Variants in FHIT observed in about 807,000 individuals in gnomAD.
FHIT encodes the protein fragile histidine triad diadenosine triphosphatase.
FHIT carries 19 observed loss-of-function variants against 17.9 expected under a neutral mutation model. The observed-to-expected ratio is 1.06, with a 90% CI of 0.74 to 1.56. The LOEUF (loss-of-function observed/expected upper bound fraction) is 1.56. Ranked by LOEUF, FHIT falls within the 40% of genes most tolerant of loss-of-function variation. FHIT has a pLI of 0.00. For synonymous variants in FHIT, 81 were observed against 69.7 expected (o/e 1.16, Z -0.81); for missense variants, 248 against 189.2 (o/e 1.31, Z -1.82).
intron 4 of FHIT, among the ~76,000 whole-genome samples, chr3:60,608,139 C>A (rs575401619): frequency 6.6e-6 from 1 of 152,266 alleles, no homozygotes; most frequent in East Asian, 1.9e-4. Flanking sequence ...CGTCTGCTCA[C>A]GCAGAGGACA....
intron 5 of FHIT, among the ~76,000 whole-genome samples, chr3:60,354,274 G>A (rs529091646): frequency 1.4e-4 from 21 of 152,138 alleles, no homozygotes; most frequent in African/African-American, 5.1e-4. Context: ...CCTGTGAAAG[G>A]CAGACTGATT....
intron 4 of FHIT, among the ~76,000 whole-genome samples, chr3:60,645,346 G>C (rs1048503014): frequency 6.6e-6 from 1 of 152,148 alleles, no homozygotes; most frequent in Non-Finnish European, 1.5e-5. Flanking sequence ...CAGAGTTTCA[G>C]GGTGAGTCTC....
chr3:60,902,697 G>A (rs1553763485), intron 3 of FHIT, among the ~76,000 whole-genome samples: 2 of 152,206 alleles, frequency 1.3e-5, no homozygotes, highest in African/African-American at 4.8e-5. Context: ...AAAGCCAACA[G>A]GAAGCAAAGT....
chr3:60,759,477 G>A (rs527861339), intron 4 of FHIT, among the ~76,000 whole-genome samples: 16 of 152,312 alleles, frequency 1.1e-4, no homozygotes, highest in Non-Finnish European at 2.2e-4. Flanking sequence ...CTTGACAGTG[G>A]ATGAGATTTT....
chr3:61,211,896 G>A (rs1053940620), intron 1 of FHIT, among the ~76,000 whole-genome samples: 2 of 152,206 alleles, frequency 1.3e-5, no homozygotes, highest in East Asian at 3.9e-4. Context: ...CAGGCAAACA[G>A]AGTCTGGAGT....
At chr3:60,388,898 T>C (rs1465202742) in intron 5 of FHIT, among the ~76,000 whole-genome samples, 1 of 152,120 alleles carries the variant, frequency 6.6e-6, no homozygotes, top group Non-Finnish European at 1.5e-5. Context: ...GTTAGCACAG[T>C]GGAGAAGGCA....
rs1434378796 is a variant in FHIT, at chr3:60,799,629, C to T, written c.-18+22290G>A. Among the ~76,000 whole-genome samples the T allele has an allele frequency of 2.6e-5, 4 of 152,328 alleles. No individual in the cohort carries two copies. In the South Asian group the frequency reaches 8.3e-4, roughly 32 times the overall value. ...CATTTCTTGCCTCGGGACCTTTGCA[C>T]ATGCAATCATCTGGCTACAGTGTTT... is the stretch of plus-strand genomic sequence containing the variant. On this transcript the variant is annotated intron_variant, in intron 4 of 9. Coordinates refer to ENST00000492590, the MANE Select transcript of FHIT (RefSeq NM_002012.4).
rs188545531 is a variant in FHIT at position 59,802,540 on chromosome 3, C to T, written c.349-50219G>A. Among the ~76,000 whole-genome samples the T allele has an allele frequency of 1.3e-3, 205 of 152,276 alleles. No homozygotes were observed. The Middle Eastern group carries it at 0.014, about 10-fold the overall frequency. Reference sequence around the variant, plus strand: ...TCCCCCACTGAGCACCTTGTGACCCCCGCCCCTGCCCACCAGAGAACAACC... The same window carrying T: ...TCCCCCACTGAGCACCTTGTGACCCTCGCCCCTGCCCACCAGAGAACAACC... On this transcript the variant is annotated intron_variant, in intron 8 of 9. Transcript: ENST00000492590.
At chr3:60,849,309 T>A (rs2106903654) in intron 3 of FHIT, among the ~76,000 whole-genome samples, 1 of 151,916 alleles carries the variant, frequency 6.6e-6, no homozygotes, top group Non-Finnish European at 1.5e-5. Context: ...AACGTAGATG[T>A]GTGATTATAC....
intron 4 of FHIT, chr3:60,730,140 C>A: frequency 2.1e-6 from 1 of 474,436 alleles, no homozygotes. Flanking sequence ...CAAAGAAGCA[C>A]CGAAGGACCA....
chr3:60,261,324 G>T (rs377149428), intron 5 of FHIT, among the ~76,000 whole-genome samples: 1 of 151,946 alleles, frequency 6.6e-6, no homozygotes, highest in South Asian at 2.1e-4. Context: ...AAAAACAAAA[G>T]ACATATATAT....
At chr3:60,375,654 T>C (rs1700526218) in intron 5 of FHIT, among the ~76,000 whole-genome samples, 1 of 152,154 alleles carries the variant, frequency 6.6e-6, no homozygotes, top group African/African-American at 2.4e-5. Flanking sequence ...AGCAATACCA[T>C]TCTGTGAAGA....
intron 8 of FHIT, among the ~76,000 whole-genome samples, chr3:59,825,516 G>A (rs1700946015): frequency 6.6e-6 from 1 of 152,164 alleles, no homozygotes; most frequent in Admixed American, 6.5e-5. Flanking sequence ...GAGAAGCTGA[G>A]AACATTAGCC....
At chr3:59,885,639 C>T (rs1323019716) in intron 8 of FHIT, among the ~76,000 whole-genome samples, 1 of 152,130 alleles carries the variant, frequency 6.6e-6, no homozygotes, top group African/African-American at 2.4e-5. Context: ...CAAAGCTCTG[C>T]TACTTTGAAT....
chr3:59,962,850 C>G (rs542970353), intron 7 of FHIT, among the ~76,000 whole-genome samples: 1 of 152,292 alleles, frequency 6.6e-6, no homozygotes, highest in Admixed American at 6.5e-5. Flanking sequence ...AATAGAACAA[C>G]TGAATCCATC....
At chr3:60,274,813 A>G (rs374538981) in intron 5 of FHIT, among the ~76,000 whole-genome samples, 2 of 152,186 alleles carry the variant, frequency 1.3e-5, no homozygotes, top group Admixed American at 6.5e-5. Context: ...CCTTCCCAGC[A>G]CAGCCTATGT....
intron 5 of FHIT, among the ~76,000 whole-genome samples, chr3:60,291,922 T>A (rs1419750769): frequency 6.6e-6 from 1 of 152,154 alleles, no homozygotes; most frequent in Non-Finnish European, 1.5e-5. Flanking sequence ...AGACTTCCCA[T>A]GGAGTCTGGC....
chr3:60,524,390 T>C (rs765653470), intron 5 of FHIT, among the ~76,000 whole-genome samples: 4 of 152,184 alleles, frequency 2.6e-5, no homozygotes, highest in Admixed American at 6.5e-5. Flanking sequence ...TGAGTGAACA[T>C]AGCATATGTA....
chr3:61,035,930 T>C (rs926763482), intron 3 of FHIT, among the ~76,000 whole-genome samples: 1 of 152,186 alleles, frequency 6.6e-6, no homozygotes, highest in African/African-American at 2.4e-5. Flanking sequence ...TTCTCTGATG[T>C]GAAAGGGCAA....
Sources: gnomAD v4.1 joint callset for allele counts (sites outside exome capture counted in the v4.1 genomes callset) on GRCh38, gnomAD v4.1.1 for gene constraint, MANE v1.5 for transcripts, NCBI Gene and HGNC (gene_info 2026-07-23, HGNC 2026-07-21) for gene names.